Variants in SCN4A observed in about 807,000 individuals in gnomAD.
The protein encoded by SCN4A is sodium voltage-gated channel alpha subunit 4.
Under a neutral mutation model 162.0 loss-of-function variants are expected in SCN4A, and 83 were observed. The ratio of observed to expected loss-of-function variants is 0.51; its 90% CI spans 0.43 to 0.61. The LOEUF is 0.61. Ranked by LOEUF, SCN4A falls within the 20% of genes least tolerant of loss-of-function variation. The pLI is 0.00. For missense variants in SCN4A, 2,196 were observed against 2,462.5 expected (o/e 0.89, Z 2.29); for synonymous variants, 944 against 985.1 (o/e 0.96, Z 0.78).
chr17:63,958,101 G>T (rs1909129377), intron 12 of SCN4A, among the ~76,000 whole-genome samples: 1 of 152,064 alleles, frequency 6.6e-6, no homozygotes, highest in Non-Finnish European at 1.5e-5. Flanking sequence ...GGGAGCAGTT[G>T]GCTCACACCT....
intron 5 of SCN4A, among the ~76,000 whole-genome samples, chr17:63,968,901 G>A (rs761452653): frequency 6.6e-6 from 1 of 152,166 alleles, no homozygotes; most frequent in Non-Finnish European, 1.5e-5. Context: ...ATGCAGTGGC[G>A]TGATCTTGGC....
Position 63,945,261 on chromosome 17 carries a change from C to CACT in SCN4A, c.3720+98_3720+99insAGT. The CACT allele has an allele frequency of 8.6e-7, 1 of 1,163,038 alleles. No homozygotes were observed. Among genetic ancestry groups the CACT allele is most frequent in the Non-Finnish European group, 1.2e-6 (1 of 802,484 alleles). 72.0% of individuals were successfully genotyped at this position (1,163,038 alleles called of 1,614,324 possible). A position where few individuals can be genotyped will look rare whatever the true frequency, so the allele number is the denominator to read the frequency against. On this transcript the variant is annotated intron_variant, in intron 19 of 23. Coordinates refer to ENST00000435607, the MANE Select transcript of SCN4A (RefSeq NM_000334.4). This position sits in a 1 kb window ranked among gnomAD's most constrained non-coding sequence, Gnocchi z 4.4. Reference sequence around the variant, plus strand: ...AGCATTGGAAGCAGGGTGGGCGGTCCCCTAACCAGGAGTGACACTGGGGTT... The same window carrying CACT: ...AGCATTGGAAGCAGGGTGGGCGGTCCACTCCTAACCAGGAGTGACACTGGGGTT...
rs1909635906 is a variant in SCN4A at position 63,972,258 on chromosome 17, C to T, written c.393-33G>A. The T allele has an allele frequency of 1.2e-6, 2 of 1,604,624 alleles. No homozygotes were observed. Among genetic ancestry groups the T allele is most frequent in the Non-Finnish European group, 1.7e-6 (2 of 1,173,146 alleles). ...AGGGTCAAGGAAAGTGAGGAAGCAG[C>T]TAGGATGGGAGGTGATAGAGGGTCT... On this transcript the variant is annotated intron_variant, in intron 2 of 23. Transcript: ENST00000435607. This position sits in a 1 kb window ranked among gnomAD's most constrained non-coding sequence, Gnocchi z 4.3.
Position 63,945,847 on chromosome 17 carries a change from G to T in SCN4A, c.3442-209C>A, listed in dbSNP as rs904179721. Reference sequence around the variant, plus strand: ...GAGCTGCAGGCCTGGTGGTCAAGAGGGCTCTCTGCTTGACTGGAGCCATCA... The same window carrying T: ...GAGCTGCAGGCCTGGTGGTCAAGAGTGCTCTCTGCTTGACTGGAGCCATCA... On this transcript the variant is annotated intron_variant, in intron 18 of 23. Coordinates refer to ENST00000435607, the MANE Select transcript of SCN4A (RefSeq NM_000334.4). This position sits in a 1 kb window ranked among gnomAD's most constrained non-coding sequence, Gnocchi z 4.4. 2.0e-5 allele frequency among the ~76,000 whole-genome samples: 3 copies of T among 152,030 alleles called. No homozygotes were observed. Among genetic ancestry groups the T allele is most frequent in the Non-Finnish European group, 2.9e-5 (2 of 67,966 alleles).
In SCN4A at chr17:63,972,314, C is replaced by T; in HGVS notation, c.392+38G>A. On this transcript the variant is annotated intron_variant, in intron 2 of 23. Coordinates refer to ENST00000435607, the MANE Select transcript of SCN4A (RefSeq NM_000334.4). The surrounding 1 kb of genome is among the most constrained non-coding windows in gnomAD (Gnocchi z 4.3). Reference sequence around the variant, plus strand: ...GCCACAGCACCCCATCTCGCCCATCCCTAACCCCTCCCGCCTCTCCCATCT... The same window carrying T: ...GCCACAGCACCCCATCTCGCCCATCTCTAACCCCTCCCGCCTCTCCCATCT... 2.5e-6 allele frequency: 4 copies of T among 1,599,960 alleles called. No homozygotes were observed. The highest frequency in any genetic ancestry group is 3.4e-6 in the Non-Finnish European group (4 of 1,170,504).
intron 8 of SCN4A, among the ~76,000 whole-genome samples, chr17:63,965,794 T>C (rs757137546): frequency 5.3e-5 from 8 of 152,196 alleles, no homozygotes; most frequent in African/African-American, 1.9e-4. Context: ...GCAGGCAGCA[T>C]TGGATTTCTA....
rs1908662402 is a variant in SCN4A at position 63,944,878 on chromosome 17, G to C, written c.3775-68C>G. 6.2e-6 allele frequency: 10 copies of C among 1,601,180 alleles called. 1 individual carries two copies. In the South Asian group the frequency reaches 1.0e-4, roughly 16 times the overall value. On this transcript the variant is annotated intron_variant, in intron 20 of 23. Transcript: ENST00000435607. This position sits in a 1 kb window ranked among gnomAD's most constrained non-coding sequence, Gnocchi z 4.3. ...GCTTCTCCCTGCCCCCCACAGCCCT[G>C]AGGGCAGGACCCATCCACCCCCAGG... is the stretch of plus-strand genomic sequence containing the variant.
intron 22 of SCN4A, 111 bp downstream of exon 22, chr17:63,943,635 C>T: frequency 1.4e-6 from 1 of 693,014 alleles, no homozygotes; most frequent in Non-Finnish European, 2.5e-6. Flanking sequence ...GGCCTAACCT[C>T]ACCCAGGGAC....
Position 63,940,590 on chromosome 17 carries a change from G to A in SCN4A, c.*181C>T. The A allele has an allele frequency of 7.9e-6, 5 of 629,464 alleles. No homozygotes were observed. The highest frequency in any genetic ancestry group is 1.3e-5 in the Non-Finnish European group (5 of 392,626). The allele number at this position is 629,464 out of a possible 1,614,324, so 39.0% of individuals were successfully genotyped here. ...CTGAGCGCAATTCCCATTTCCCATG[G>A]TCTGGGAACGCAGGCGCTCGGGCCT... On this transcript the variant is annotated 3_prime_UTR_variant, in exon 24 of 24. Coordinates refer to ENST00000435607, the MANE Select transcript of SCN4A (RefSeq NM_000334.4).
At position 63,968,353 on chromosome 17, in the gene SCN4A, G is replaced by C. The variant is rs1253475807; in HGVS notation, c.706C>G (p.Leu236Val). ...ALKTITVIPG[L>V]KTIVGALIQS... ...ATCAGGGCCCCCACGATCGTCTTCA[G>C]CCCTGACCGCAGAGAGGGCAAGGAT... Residue 236 changes from leucine to valine, a missense_variant and splice_region_variant, in exon 6 of 24, where the codon CTG (leucine) becomes GTG (valine). Coordinates refer to ENST00000435607, the MANE Select transcript of SCN4A (RefSeq NM_000334.4). 1.3e-6 allele frequency: 2 copies of C among 1,588,346 alleles called. No homozygotes were observed. Among genetic ancestry groups the C allele is most frequent in the Admixed American group, 1.7e-5 (1 of 59,138 alleles).
chr17:63,969,864 G>A (rs1808274), intron 5 of SCN4A, among the ~76,000 whole-genome samples: 128,253 of 151,992 alleles, frequency 0.84, 54,412 homozygotes, highest in Non-Finnish European at 0.9. Flanking sequence ...GCTGGTCTCA[G>A]AGTCCTGACC....
At position 63,951,937 on chromosome 17, in the gene SCN4A, C is replaced by A. The variant is rs1908929262; in HGVS notation, c.2377-37G>T. On this transcript the variant is annotated intron_variant, in intron 13 of 23. Transcript: ENST00000435607. The surrounding 1 kb of genome is among the most constrained non-coding windows in gnomAD (Gnocchi z 4.5). Reference sequence around the variant, plus strand: ...GGTCAGGGGGAGCCTCACATCAGTCCCCGGGACCCAGAGGGTGCCACCTTC... The same window carrying A: ...GGTCAGGGGGAGCCTCACATCAGTCACCGGGACCCAGAGGGTGCCACCTTC... The A allele has an allele frequency of 2.2e-6, 3 of 1,374,638 alleles. No homozygotes were observed. The highest frequency in any genetic ancestry group is 2.9e-6 in the Non-Finnish European group (3 of 1,022,228). 85.2% of individuals were successfully genotyped at this position (1,374,638 alleles called of 1,614,324 possible).
Position 63,944,932 on chromosome 17 carries a change from T to G in SCN4A, c.3774+75A>C, listed in dbSNP as rs866089135. 1.3e-6 allele frequency: 2 copies of G among 1,591,592 alleles called. No homozygotes were observed. The highest frequency in any genetic ancestry group is 2.7e-5 in the African/African-American group (2 of 74,478). On this transcript the variant is annotated intron_variant, in intron 20 of 23. Transcript: ENST00000435607. This position sits in a 1 kb window ranked among gnomAD's most constrained non-coding sequence, Gnocchi z 4.3. ...GCCAAGTCTCGGGGACAGAACGTGC[T>G]GCCAAGTCTCCCTCCTGTCTTGAGT...
Position 63,940,755 on chromosome 17 carries a change from A to G in SCN4A, c.*16T>C. 6.5e-7 allele frequency: 1 copy of G among 1,540,340 alleles called. No homozygotes were observed. Among genetic ancestry groups the G allele is most frequent in the Non-Finnish European group, 8.8e-7 (1 of 1,142,734 alleles). On this transcript the variant is annotated 3_prime_UTR_variant, in exon 24 of 24. Coordinates refer to ENST00000435607, the MANE Select transcript of SCN4A (RefSeq NM_000334.4). ...GGACTATGCCGAGACTCAGTGGGCC[A>G]CCCCGATGCTGCCTGCTAGACAAGA...
intron 13 of SCN4A, among the ~76,000 whole-genome samples, chr17:63,953,451 T>C (rs1181981099): frequency 1.3e-5 from 2 of 152,004 alleles, no homozygotes; most frequent in Non-Finnish European, 2.9e-5. Context: ...TGTTGGCTGT[T>C]ATTATGTTTG....
chr17:63,959,175 T>A (rs1406523806), intron 12 of SCN4A, 90 bp downstream of exon 12: 1 of 1,218,468 alleles, frequency 8.2e-7, no homozygotes, highest in African/African-American at 1.5e-5. Flanking sequence ...TCTAGCTTCC[T>A]GGGGTTTCTC....
chr17:63,941,684 G>C lies in SCN4A; in HGVS notation c.4598C>G (p.Thr1533Ser), dbSNP rs750675449. 3 of 1,614,136 alleles carry C rather than the reference G, an allele frequency of 1.9e-6. No individual in the cohort carries two copies. The highest frequency in any genetic ancestry group is 1.7e-6 in the Non-Finnish European group (2 of 1,180,022). The change falls in exon 24 of 24, where the codon ACC (threonine) becomes AGC (serine). Residue 1533 changes from threonine to serine, a missense_variant. Coordinates refer to ENST00000435607, the MANE Select transcript of SCN4A (RefSeq NM_000334.4). The surrounding 1 kb of genome is among the most constrained non-coding windows in gnomAD (Gnocchi z 6.2). ...GNSIICLFEI[T>S]TSAGWDGLLN... ...GAGCCCGTCCCAGCCGGCCGACGTG[G>C]TGATCTCGAACAGGCAGATGATGCT...
At chr17:63,949,252 T>A in intron 15 of SCN4A, 141 bp downstream of exon 15, 1 of 893,690 alleles carries the variant, frequency 1.1e-6, no homozygotes, top group Non-Finnish European at 1.7e-6. Flanking sequence ...GGGCATGCAC[T>A]GCCACCACCC....
At chr17:63,969,734 C>T (rs1040169423) in intron 5 of SCN4A, among the ~76,000 whole-genome samples, 4 of 151,352 alleles carry the variant, frequency 2.6e-5, no homozygotes, top group African/African-American at 7.3e-5. Flanking sequence ...ACTTCTGCCT[C>T]CTCGATTCAA....
Sources: gnomAD v4.1 joint callset for allele counts (sites outside exome capture counted in the v4.1 genomes callset) on GRCh38, gnomAD v4.1.1 for gene constraint, Gnocchi (gnomAD v3.1) non-coding constraint, MANE v1.5 for transcripts, NCBI Gene and HGNC (gene_info 2026-07-23, HGNC 2026-07-21) for gene names.